HPSE2: variants seen among roughly 807,000 people sequenced by gnomAD.
The protein encoded by HPSE2 is heparanase 2 (inactive).
HPSE2 carries 38 observed loss-of-function variants against 60.5 expected under a neutral mutation model. That is an observed-to-expected ratio of 0.63 (90% CI 0.48 to 0.82). The LOEUF is 0.82. HPSE2 is among the 40% of genes least tolerant of loss of function. HPSE2 has a pLI of 0.00. For synonymous variants in HPSE2, 295 were observed against 293.2 expected (o/e 1.01, Z -0.06); for missense variants, 713 against 740.4 (o/e 0.96, Z 0.43).
chr10:98,997,099 A>G (rs1956660913), intron 3 of HPSE2, among the ~76,000 whole-genome samples: 1 of 147,142 alleles, frequency 6.8e-6, no homozygotes, highest in Non-Finnish European at 1.5e-5. Context: ...ACTTTAGTCA[A>G]TACAGACCCT....
intron 3 of HPSE2, among the ~76,000 whole-genome samples, chr10:98,894,287 A>G (rs1953420929): frequency 1.3e-5 from 2 of 152,342 alleles, no homozygotes; most frequent in South Asian, 4.1e-4. Flanking sequence ...AGCAGATATT[A>G]GAATTGGACC....
At chr10:99,167,847 T>C (rs550940808) in intron 2 of HPSE2, among the ~76,000 whole-genome samples, 1 of 152,154 alleles carries the variant, frequency 6.6e-6, no homozygotes, top group Non-Finnish European at 1.5e-5. Flanking sequence ...GATATCTTAA[T>C]AATACTGAGT....
chr10:98,960,988 G>A (rs1233711747), intron 3 of HPSE2, among the ~76,000 whole-genome samples: 8 of 79,866 alleles, frequency 1.0e-4, no homozygotes, highest in East Asian at 4.0e-4. Context: ...GAGAATATGC[G>A]GTGTTTGGTT....
intron 3 of HPSE2, among the ~76,000 whole-genome samples, chr10:98,823,326 G>A (rs934964290): frequency 6.6e-6 from 1 of 152,158 alleles, no homozygotes; most frequent in African/African-American, 2.4e-5. Context: ...TTACTATAAA[G>A]ATAAATAATG....
chr10:98,799,018 C>T (rs762647825), intron 3 of HPSE2, among the ~76,000 whole-genome samples: 34 of 151,760 alleles, frequency 2.2e-4, no homozygotes, highest in Admixed American at 9.2e-4. Context: ...AAAATAAGAC[C>T]AAATTATTTG....
intron 2 of HPSE2, among the ~76,000 whole-genome samples, chr10:99,203,845 T>C (rs1848654967): frequency 8.8e-6 from 1 of 113,306 alleles, no homozygotes; most frequent in African/African-American, 2.7e-5. Flanking sequence ...CCAGGCCAGT[T>C]GCCACAAACC....
At position 99,151,243 on chromosome 10, in the gene HPSE2, C is replaced by T. The variant is rs527284482; in HGVS notation, c.449-6844G>A. 8.6e-5 allele frequency among the ~76,000 whole-genome samples: 11 copies of T among 127,866 alleles called. No homozygotes were observed. In the South Asian group the frequency reaches 2.7e-3, roughly 32 times the overall value. The allele number at this position is 127,866 out of a possible 152,430, so 83.9% of individuals were successfully genotyped here. On this transcript the variant is annotated intron_variant, in intron 2 of 11. Transcript: ENST00000370552. ...TTCCAATAAAATATTACAAGCCATG[C>T]AAAAAAAAAAAATCAGAGAACTTAA...
chr10:98,996,811 G>C (rs1276909801), intron 3 of HPSE2, among the ~76,000 whole-genome samples: 1 of 152,164 alleles, frequency 6.6e-6, no homozygotes, highest in East Asian at 1.9e-4. Context: ...CTCTACAATA[G>C]TCTAACATAA....
At chr10:98,764,091 T>C (rs1259670818) in intron 3 of HPSE2, among the ~76,000 whole-genome samples, 3 of 152,168 alleles carry the variant, frequency 2.0e-5, no homozygotes, top group South Asian at 2.1e-4. Context: ...TCTATGTATG[T>C]TGAAATTCCT....
At chr10:98,545,642 A>C (rs1943644312) in intron 9 of HPSE2, among the ~76,000 whole-genome samples, 1 of 152,236 alleles carries the variant, frequency 6.6e-6, no homozygotes, top group South Asian at 2.1e-4. Context: ...TTAGGTATTG[A>C]TGGGACGTAT....
chr10:99,188,535 C>T (rs1275395591), intron 2 of HPSE2, among the ~76,000 whole-genome samples: 1 of 152,086 alleles, frequency 6.6e-6, no homozygotes, highest in East Asian at 1.9e-4. Context: ...GGTAATTCCT[C>T]GCCTAAATCT....
rs188724358 is a variant in HPSE2, at chr10:99,151,941, C to T, written c.449-7542G>A. On this transcript the variant is annotated intron_variant, in intron 2 of 11. Transcript: ENST00000370552. ...ATAAATAAATAGCGCTAAAAGAAAA[C>T]TTCTGACAACCAATAATTCTATGTT... Among the ~76,000 whole-genome samples, 89 of 151,932 alleles carry T rather than the reference C, an allele frequency of 5.9e-4. 1 individual carries two copies. Among genetic ancestry groups the T allele is most frequent in the African/African-American group, 2.0e-3 (82 of 41,438 alleles).
At chr10:99,005,797 TG>T (rs1371058723) in intron 3 of HPSE2, among the ~76,000 whole-genome samples, 1 of 152,216 alleles carries the variant, frequency 6.6e-6, no homozygotes, top group Non-Finnish European at 1.5e-5. Flanking sequence ...TTTTGCTGAC[TG>T]GCTTTGTATG....
chr10:98,710,938 A>C (rs1291819662), intron 5 of HPSE2, among the ~76,000 whole-genome samples: 1 of 152,096 alleles, frequency 6.6e-6, no homozygotes, highest in African/African-American at 2.4e-5. Flanking sequence ...GATGAAGCCT[A>C]TTTGCTGCCA....
chr10:99,207,079 T>A (rs1007622979), intron 2 of HPSE2, among the ~76,000 whole-genome samples: 1 of 152,092 alleles, frequency 6.6e-6, no homozygotes, highest in African/African-American at 2.4e-5. Context: ...TCAATTGCAA[T>A]CCAAATAAGA....
chr10:98,984,622 A>G (rs778771013), intron 3 of HPSE2, among the ~76,000 whole-genome samples: 22 of 152,232 alleles, frequency 1.4e-4, no homozygotes, highest in Admixed American at 5.9e-4. Context: ...CTCACCAGCA[A>G]TGGAACAAAG....
intron 3 of HPSE2, among the ~76,000 whole-genome samples, chr10:98,850,928 TA>T (rs1157316960): frequency 2.0e-5 from 3 of 152,118 alleles, no homozygotes; most frequent in Non-Finnish European, 4.4e-5. Flanking sequence ...TCTTCTAAGA[TA>T]ATTGGAAGAA....
chr10:99,130,785 C>T (rs185975695), intron 3 of HPSE2, among the ~76,000 whole-genome samples: 3 of 152,300 alleles, frequency 2.0e-5, no homozygotes, highest in East Asian at 3.9e-4. Flanking sequence ...AGTTATCAAT[C>T]GGACAAATTC....
the HPSE2 span, among the ~76,000 whole-genome samples, chr10:99,278,155 T>C: frequency 6.6e-6 from 1 of 151,214 alleles, no homozygotes; most frequent in Non-Finnish European, 1.5e-5. Flanking sequence ...GATAGAAGAC[T>C]CTTCACAATA....
Sources: gnomAD v4.1 joint callset for allele counts (sites outside exome capture counted in the v4.1 genomes callset) on GRCh38, gnomAD v4.1.1 for gene constraint, MANE v1.5 for transcripts, NCBI Gene and HGNC (gene_info 2026-07-23, HGNC 2026-07-21) for gene names.